Variants in TRPM6 observed in about 807,000 individuals in gnomAD.
The protein encoded by TRPM6 is channel kinase 2.
TRPM6 carries 111 observed loss-of-function variants against 247.6 expected under a neutral mutation model. The ratio of observed to expected loss-of-function variants is 0.45; its 90% CI spans 0.38 to 0.52. The LOEUF (loss-of-function observed/expected upper bound fraction) is 0.52, where lower values mean the gene tolerates loss of function less well. TRPM6 is among the 20% of genes least tolerant of loss of function. TRPM6 has a pLI of 0.00. For missense variants in TRPM6, 2,126 were observed against 2,421.5 expected (o/e 0.88, Z 2.56); for synonymous variants, 892 against 853.8 (o/e 1.04, Z -0.78).
intron 25 of TRPM6, 81 bp downstream of exon 25, chr9:74,771,622 G>T: frequency 2.1e-6 from 3 of 1,411,586 alleles, no homozygotes; most frequent in Non-Finnish European, 3.0e-6. Context: ...GGATTTGAAA[G>T]ATCTTTCTAC....
chr9:74,803,923 G>A, intron 14 of TRPM6, 37 bp from the exon 15 acceptor site: 1 of 1,234,512 alleles, frequency 8.1e-7, no homozygotes, highest in Non-Finnish European at 1.2e-6. Context: ...TCACTCTCTG[G>A]CACGTTATTA....
chr9:74,756,783 A>G (rs1281372893), intron 27 of TRPM6, among the ~76,000 whole-genome samples: 2 of 151,408 alleles, frequency 1.3e-5, no homozygotes, highest in East Asian at 3.9e-4. Context: ...TGGGAGACAG[A>G]GGTTGCAATA....
In TRPM6 at chr9:74,782,698, G is replaced by C. The variant is rs780750775; in HGVS notation, c.3075C>G (p.Val1025=). The change falls in exon 22 of 39, where the codon GTC becomes GTG. Residue 1025 remains valine, a synonymous_variant. Transcript: ENST00000360774. Reference sequence around the variant, plus strand: ...ACACACCATCTATTTCTCCAGCATAGACTTCTCCGTATATCATCCAGTATG... The same window carrying C: ...ACACACCATCTATTTCTCCAGCATACACTTCTCCGTATATCATCCAGTATG... ...FEPYWMIYGE[V]YAGEIDVCSS... is the part of the protein sequence containing the mutation. 13 of 1,613,976 alleles carry C rather than the reference G, an allele frequency of 8.1e-6. No homozygotes were observed. Among genetic ancestry groups the C allele is most frequent in the South Asian group, 4.4e-5 (4 of 91,088 alleles).
At chr9:74,872,504 A>C (rs1831056619) in intron 1 of TRPM6, among the ~76,000 whole-genome samples, 1 of 151,894 alleles carries the variant, frequency 6.6e-6, no homozygotes, top group African/African-American at 2.4e-5. Flanking sequence ...ATCTTGGCTT[A>C]CTGCAACCTC....
At chr9:74,815,503 G>A (rs1432181804) in intron 11 of TRPM6, among the ~76,000 whole-genome samples, 1 of 152,112 alleles carries the variant, frequency 6.6e-6, no homozygotes, top group African/African-American at 2.4e-5. Context: ...AAACAAAGAG[G>A]AAGACAAGGA....
chr9:74,806,296 T>TATTC, intron 14 of TRPM6, among the ~76,000 whole-genome samples: 1 of 151,906 alleles, frequency 6.6e-6, no homozygotes, highest in Admixed American at 6.5e-5. Context: ...TTTATTTATT[T>TATTC]ATTTATTTAT....
chr9:74,746,984 G>A (rs1826070133), intron 31 of TRPM6, among the ~76,000 whole-genome samples: 1 of 152,042 alleles, frequency 6.6e-6, no homozygotes, highest in East Asian at 1.9e-4. Context: ...CGACAAAGAA[G>A]TAGAACAGCC....
In TRPM6 at chr9:74,816,914, T is replaced by C; in HGVS notation, c.1185A>G (p.Ala395=). Residue 395 remains alanine (A), a synonymous_variant, in exon 10 of 39, where the codon GCA becomes GCG. Coordinates refer to ENST00000360774, the MANE Select transcript of TRPM6 (RefSeq NM_017662.5). ...CACCCTTCAGCAAAGCTGTTAGGAT[T>C]GCTAAGTCCAGGTCTTGCTGCTCTT... The part of the protein sequence containing the change: ...DSEEQQDLDL[A]ILTALLKGTN... 1 of 1,614,168 alleles carries C rather than the reference T, an allele frequency of 6.2e-7. No homozygotes were observed. Among genetic ancestry groups the C allele is most frequent in the Non-Finnish European group, 8.5e-7 (1 of 1,180,020 alleles).
intron 9 of TRPM6, among the ~76,000 whole-genome samples, chr9:74,818,293 CTTTTTTTTTTTTT>C (rs1161401022): frequency 1.4e-5 from 1 of 72,006 alleles, no homozygotes; most frequent in Non-Finnish European, 2.6e-5. Context: ...TCTATCATTT[CTTTTTTTTTTTTT>C]TTTTTTTTTT....
In TRPM6 at chr9:74,871,218, C is replaced by T. The variant is rs368970321; in HGVS notation, c.34-12470G>A. Among the ~76,000 whole-genome samples the T allele has an allele frequency of 7.4e-3, 1,128 of 152,120 alleles. 15 individuals carry two copies. The highest frequency in any genetic ancestry group is 0.025 in the African/African-American group (1,034 of 41,510). ...ATAATATTGCAAATGGTATAAAATCCGGGAAGTACATCAGGTGATACAGGG... is the reference window on the plus strand; with the variant it reads ...ATAATATTGCAAATGGTATAAAATCTGGGAAGTACATCAGGTGATACAGGG... On this transcript the variant is annotated intron_variant, in intron 1 of 38. Transcript: ENST00000360774.
intron 35 of TRPM6, 77 bp from the exon 36 acceptor site, chr9:74,738,689 AGG>A: frequency 1.6e-6 from 2 of 1,267,824 alleles, no homozygotes; most frequent in Non-Finnish European, 2.3e-6. Context: ...AGTCATCAGC[AGG>A]GAAGATTACC....
intron 14 of TRPM6, among the ~76,000 whole-genome samples, chr9:74,806,254 A>C (rs985844075): frequency 6.6e-6 from 1 of 151,824 alleles, no homozygotes; most frequent in Non-Finnish European, 1.5e-5. Flanking sequence ...AGAAAAAAAA[A>C]CCATAGGCTT....
intron 19 of TRPM6, among the ~76,000 whole-genome samples, chr9:74,792,102 T>A (rs1335821717): frequency 6.6e-6 from 1 of 152,194 alleles, no homozygotes; most frequent in African/African-American, 2.4e-5. Context: ...TATTGCTTAA[T>A]TCTACAAACA....
intron 23 of TRPM6, 47 bp from the exon 24 acceptor site, chr9:74,776,123 G>C (rs1297173131): frequency 6.6e-7 from 1 of 1,519,576 alleles, no homozygotes; most frequent in South Asian, 1.1e-5. Context: ...ATGAAGTCTT[G>C]AAAGGTAACA....
chr9:74,869,970 G>A (rs1290269430), intron 1 of TRPM6, among the ~76,000 whole-genome samples: 6 of 152,128 alleles, frequency 3.9e-5, no homozygotes, highest in South Asian at 2.1e-4. Flanking sequence ...CTGATAGCCT[G>A]TTTAGCTCTG....
At position 74,782,695 on chromosome 9, in the gene TRPM6, A is replaced by G. The variant is rs768288064; in HGVS notation, c.3078T>C (p.Tyr1026=). The change falls in exon 22 of 39, where the codon TAT becomes TAC. Residue 1026 remains tyrosine, a synonymous_variant. Coordinates refer to ENST00000360774, the MANE Select transcript of TRPM6 (RefSeq NM_017662.5). ...EPYWMIYGEV[Y]AGEIDVCSSQ... ...CATACACACCATCTATTTCTCCAGC[A>G]TAGACTTCTCCGTATATCATCCAGT... The G allele has an allele frequency of 7.4e-6, 12 of 1,614,090 alleles. No individual in the cohort carries two copies. Among genetic ancestry groups the G allele is most frequent in the Non-Finnish European group, 1.0e-5 (12 of 1,180,030 alleles).
intron 11 of TRPM6, among the ~76,000 whole-genome samples, chr9:74,813,659 C>T (rs1554713739): frequency 2.0e-5 from 3 of 152,096 alleles, no homozygotes; most frequent in Non-Finnish European, 4.4e-5. Context: ...TCGGAATTTC[C>T]AAAGAGTTTT....
chr9:74,854,635 T>G (rs1052624472), intron 3 of TRPM6, among the ~76,000 whole-genome samples: 5 of 152,120 alleles, frequency 3.3e-5, no homozygotes, highest in Non-Finnish European at 7.4e-5. Context: ...CCCCATGATT[T>G]GCTAAACTGA....
intron 3 of TRPM6, among the ~76,000 whole-genome samples, chr9:74,851,345 G>A (rs916838792): frequency 6.6e-6 from 1 of 151,580 alleles, no homozygotes; most frequent in Non-Finnish European, 1.5e-5. Flanking sequence ...CCATCACTCA[G>A]AGCATTTCAC....
Sources: allele counts gnomAD v4.1 joint callset (sites outside exome capture counted in the v4.1 genomes callset), GRCh38; gene constraint gnomAD v4.1.1; transcripts MANE v1.5; gene names NCBI Gene and HGNC (gene_info 2026-07-23, HGNC 2026-07-21).